Variants in POR observed in about 807,000 individuals in gnomAD.
POR encodes the protein NADPH--cytochrome P450 reductase.
A neutral mutation model predicts 84.0 loss-of-function variants in POR; 56 were observed. That is an observed-to-expected ratio of 0.67 (90% CI 0.54 to 0.83). The LOEUF (loss-of-function observed/expected upper bound fraction) is 0.83. Among genes scored for constraint, POR ranks in the 40% least tolerant of loss-of-function variants. The pLI is 0.00. For missense variants in POR, 938 were observed against 944.3 expected (o/e 0.99, Z 0.09); for synonymous variants, 414 against 400.5 (o/e 1.03, Z -0.40).
At chr7:75,929,341 G>A (rs1038503392) in intron 1 of POR, among the ~76,000 whole-genome samples, 24 of 152,192 alleles carry the variant, frequency 1.6e-4, no homozygotes, top group African/African-American at 4.3e-4. Context: ...TCAGCTCAGC[G>A]CAACCTCCGC....
At chr7:75,930,546 G>T (rs1807361584) in intron 1 of POR, among the ~76,000 whole-genome samples, 1 of 152,146 alleles carries the variant, frequency 6.6e-6, no homozygotes, top group Non-Finnish European at 1.5e-5. Flanking sequence ...TTATACTGAT[G>T]GAGTCTCGCT....
chr7:75,927,968 C>CTTTTTTT (rs1243977285), intron 1 of POR, among the ~76,000 whole-genome samples: 1 of 107,006 alleles, frequency 9.3e-6, no homozygotes, highest in African/African-American at 3.7e-5. Flanking sequence ...TCTCAGGTTT[C>CTTTTTTT]TTTTTTTTTT....
chr7:75,932,201 A>T (rs1554550221), intron 1 of POR, among the ~76,000 whole-genome samples: 1 of 147,304 alleles, frequency 6.8e-6, no homozygotes, highest in East Asian at 2.0e-4. Flanking sequence ...TTTTTTTGAG[A>T]CAAATTCTGT....
intron 1 of POR, among the ~76,000 whole-genome samples, chr7:75,950,253 T>C (rs1364729386): frequency 2.0e-5 from 3 of 152,170 alleles, no homozygotes; most frequent in African/African-American, 7.2e-5. Context: ...GGTGATTACG[T>C]AGGTGCAGAT....
At chr7:75,941,664 T>C (rs1245447142) in intron 1 of POR, among the ~76,000 whole-genome samples, 3 of 152,130 alleles carry the variant, frequency 2.0e-5, no homozygotes, top group African/African-American at 7.2e-5. Flanking sequence ...GGCAACAAGT[T>C]TCCATGTTTT....
chr7:75,964,456 T>TGC (rs2116484238), intron 2 of POR, among the ~76,000 whole-genome samples: 1 of 152,202 alleles, frequency 6.6e-6, no homozygotes, highest in African/African-American at 2.4e-5. Flanking sequence ...TACAGGCGCC[T>TGC]GCCACCACAC....
At chr7:75,963,041 T>A (rs1337400332) in intron 2 of POR, among the ~76,000 whole-genome samples, 1 of 152,182 alleles carries the variant, frequency 6.6e-6, no homozygotes, top group Non-Finnish European at 1.5e-5. Context: ...TGACCTTCCT[T>A]TTGGGGCCTG....
intron 1 of POR, among the ~76,000 whole-genome samples, chr7:75,921,635 T>A (rs1333624818): frequency 1.3e-5 from 2 of 152,144 alleles, no homozygotes; most frequent in Non-Finnish European, 2.9e-5. Flanking sequence ...TGACCCGTAA[T>A]TGACCCATAA....
Position 75,986,779 on chromosome 7 carries a change from C to T in POR, c.*298C>T, listed in dbSNP as rs1789506153. The T allele has an allele frequency of 1.7e-6, 1 of 581,446 alleles. No homozygotes were observed. Among genetic ancestry groups the T allele is most frequent in the Non-Finnish European group, 3.0e-6 (1 of 328,894 alleles). The allele number at this position is 581,446 out of a possible 1,614,324, so 36.0% of individuals were successfully genotyped here. A position where few individuals can be genotyped will look rare whatever the true frequency, so the allele number is the denominator to read the frequency against. ...TTCTCTCTGCTGAGCTGGGCCCAGC[C>T]CCTCCACGTGATTTCCAGTGAGTGT... is the stretch of plus-strand genomic sequence containing the variant. On this transcript the variant is annotated 3_prime_UTR_variant, in exon 16 of 16. Coordinates refer to ENST00000461988, the MANE Select transcript of POR (RefSeq NM_000941.3).
At chr7:75,941,731 A>G (rs573489243) in intron 1 of POR, among the ~76,000 whole-genome samples, 71 of 152,286 alleles carry the variant, frequency 4.7e-4, no homozygotes, top group African/African-American at 1.6e-3. Flanking sequence ...TAATCCCAGC[A>G]CTTTGGGAGG....
intron 2 of POR, among the ~76,000 whole-genome samples, chr7:75,968,876 C>G (rs559847170): frequency 3.9e-4 from 60 of 152,336 alleles, no homozygotes; most frequent in Non-Finnish European, 7.8e-4. Flanking sequence ...CAGGAGGTCA[C>G]ATGGAAGCCC....
intron 1 of POR, among the ~76,000 whole-genome samples, chr7:75,928,839 C>T (rs1807277952): frequency 6.6e-6 from 1 of 152,030 alleles, no homozygotes; most frequent in African/African-American, 2.4e-5. Context: ...CTGTGGCTCT[C>T]CCAACTCAAG....
At chr7:75,954,927 C>G (rs1020074534) in intron 2 of POR, among the ~76,000 whole-genome samples, 66 of 152,204 alleles carry the variant, frequency 4.3e-4, no homozygotes, top group African/African-American at 1.5e-3. Context: ...AGGCTGGTCT[C>G]AAACTCCTGA....
chr7:75,936,591 G>A (rs1807697874), intron 1 of POR, among the ~76,000 whole-genome samples: 1 of 152,034 alleles, frequency 6.6e-6, no homozygotes, highest in Non-Finnish European at 1.5e-5. Flanking sequence ...AAAGGAGGAG[G>A]GAGTAGCACT....
At chr7:75,943,755 T>C in intron 1 of POR, 1 of 440,950 alleles carries the variant, frequency 2.3e-6, no homozygotes. Context: ...ATTGGTAACG[T>C]CTTTAGATTC....
intron 2 of POR, among the ~76,000 whole-genome samples, chr7:75,955,450 G>A (rs1273404006): frequency 6.6e-6 from 1 of 152,070 alleles, no homozygotes; most frequent in Non-Finnish European, 1.5e-5. Context: ...AGGGTCCTGC[G>A]GCCAGAATTA....
intron 2 of POR, among the ~76,000 whole-genome samples, chr7:75,968,906 G>T (rs578203690): frequency 1.3e-5 from 2 of 152,184 alleles, no homozygotes; most frequent in East Asian, 3.9e-4. Context: ...GCCACTTGCC[G>T]GGCTTCTGGG....
chr7:75,980,639 C>T (rs782104370), intron 5 of POR, 151 bp downstream of exon 5: 2 of 1,563,142 alleles, frequency 1.3e-6, no homozygotes, highest in East Asian at 4.8e-5. Flanking sequence ...CTCCTCTGCC[C>T]CAGACCCCAG....
At chr7:75,975,347 C>T (rs543031483) in intron 3 of POR, among the ~76,000 whole-genome samples, 1 of 152,234 alleles carries the variant, frequency 6.6e-6, no homozygotes, top group Non-Finnish European at 1.5e-5. Flanking sequence ...TTATCATATA[C>T]TTAATTCCTG....
Sources: gnomAD v4.1 joint callset for allele counts (sites outside exome capture counted in the v4.1 genomes callset) on GRCh38, gnomAD v4.1.1 for gene constraint, MANE v1.5 for transcripts, NCBI Gene and HGNC (gene_info 2026-07-23, HGNC 2026-07-21) for gene names.